Variants in SLC2A3 observed in about 807,000 individuals in gnomAD.
SLC2A3 encodes the protein solute carrier family 2, facilitated glucose transporter member 3.
Under a neutral mutation model 46.4 loss-of-function variants are expected in SLC2A3, and 21 were observed. The observed-to-expected ratio is 0.45, with a 90% CI of 0.32 to 0.65. The LOEUF (loss-of-function observed/expected upper bound fraction) is 0.65, where lower values mean the gene tolerates loss of function less well. SLC2A3 is among the 30% of genes least tolerant of loss of function. The pLI, the probability that SLC2A3 is intolerant of heterozygous loss-of-function variation, is 0.04. For missense variants in SLC2A3, 499 were observed against 623.3 expected (o/e 0.80, Z 2.12); for synonymous variants, 213 against 239.4 (o/e 0.89, Z 1.02).
At chr12:7,934,498 C>T (rs114031370) in intron 1 of SLC2A3, among the ~76,000 whole-genome samples, 4,462 of 152,066 alleles carry the variant, frequency 0.029, 223 homozygotes, top group African/African-American at 0.1. Context: ...CTAACTCCCG[C>T]GCAGGGGAAG....
Position 7,929,839 on chromosome 12 carries a change from A to G in SLC2A3, c.706T>C (p.Ser236Pro), listed in dbSNP as rs755752461. The G allele has an allele frequency of 6.2e-7, 1 of 1,613,714 alleles. No homozygotes were observed. Among genetic ancestry groups the G allele is most frequent in the South Asian group, 1.1e-5 (1 of 91,064 alleles). Reference protein sequence around the residue: ...LQRLWGTQDVSQDIQEMKDES... With the variant: ...LQRLWGTQDVPQDIQEMKDES... ...TCTTTCATCTCCTGGATGTCTTGGG[A>G]TACATCCTGGGTGCCCCACAACCGC... Residue 236 changes from serine to proline, a missense_variant, in exon 6 of 10, where the codon TCC becomes CCC. By Grantham distance (74) the Ser-to-Pro change is moderately conservative (BLOSUM62 -1). Coordinates refer to ENST00000075120, the MANE Select transcript of SLC2A3 (RefSeq NM_006931.3).
rs188657437 is a variant in SLC2A3, at chr12:7,922,733, C to T, written c.1272+88G>A. Reference sequence around the variant, plus strand: ...TGCTAGGATTACAGGCATGAGCCACCATGCCAGGCCCAGACTACTGTATTA... The same window carrying T: ...TGCTAGGATTACAGGCATGAGCCACTATGCCAGGCCCAGACTACTGTATTA... On this transcript the variant is annotated intron_variant, in intron 9 of 9. Transcript: ENST00000075120. The T allele has an allele frequency of 2.9e-4, 453 of 1,560,576 alleles. 4 individuals carry two copies. The Admixed American group carries it at 7.4e-3, about 26-fold the overall frequency.
intron 1 of SLC2A3, among the ~76,000 whole-genome samples, chr12:7,934,710 C>T (rs1020902395): frequency 2.0e-5 from 3 of 151,888 alleles, no homozygotes; most frequent in Admixed American, 6.6e-5. Context: ...CACCCAAAAT[C>T]CCTTCAACCT....
At chr12:7,927,466 A>C (rs1946107313) in intron 6 of SLC2A3, among the ~76,000 whole-genome samples, 1 of 152,140 alleles carries the variant, frequency 6.6e-6, no homozygotes, top group Non-Finnish European at 1.5e-5. Context: ...AAGCAAGGTA[A>C]CCCCTACATC....
rs757076354 is a variant in SLC2A3 at position 7,931,499 on chromosome 12, C to G, written c.270-14G>C. The G allele has an allele frequency of 8.1e-6, 13 of 1,613,530 alleles. No individual in the cohort carries two copies. The highest frequency in any genetic ancestry group is 1.3e-5 in the African/African-American group (1 of 74,882). On this transcript the variant is annotated splice_polypyrimidine_tract_variant and intron_variant, in intron 3 of 9. Transcript: ENST00000075120. ...ATTGAATTGCGCCTGTAAGGTTAAT[C>G]AAAGACAAAGTAGAATTAGCAAAGT...
At chr12:7,921,716 T>C (rs1288222222) in intron 9 of SLC2A3, 85 bp from the exon 10 acceptor site, 12 of 1,415,400 alleles carry the variant, frequency 8.5e-6, no homozygotes, top group Non-Finnish European at 1.2e-5. Flanking sequence ...ATATTTCCAA[T>C]AGGCTTCAAG....
intron 3 of SLC2A3, among the ~76,000 whole-genome samples, chr12:7,931,918 G>T (rs145204515): frequency 0.016 from 2,094 of 132,600 alleles, 49 homozygotes; most frequent in African/African-American, 0.053. Context: ...GTCTTGGTCT[G>T]TCACCCAGGC....
At chr12:7,933,775 A>T (rs1946184317) in intron 2 of SLC2A3, 35 bp downstream of exon 2, 2 of 1,595,538 alleles carry the variant, frequency 1.3e-6, no homozygotes, top group Admixed American at 1.7e-5. Context: ...TAACTTCCCT[A>T]TTCTAAATTC....
At position 7,923,038 on chromosome 12, in the gene SLC2A3, G is replaced by A. The variant is rs1252889815; in HGVS notation, c.1069-14C>T. On this transcript the variant is annotated splice_polypyrimidine_tract_variant and intron_variant, in intron 8 of 9. Coordinates refer to ENST00000075120, the MANE Select transcript of SLC2A3 (RefSeq NM_006931.3). Reference sequence around the variant, plus strand: ...ATTATAGTTATCCTGTAAGAGCAAGGAACAGAGAAAATTAAATTTAAAGAC... The same window carrying A: ...ATTATAGTTATCCTGTAAGAGCAAGAAACAGAGAAAATTAAATTTAAAGAC... 1.2e-6 allele frequency: 2 copies of A among 1,602,694 alleles called. No individual in the cohort carries two copies. Among genetic ancestry groups the A allele is most frequent in the Admixed American group, 1.7e-5 (1 of 57,280 alleles).
chr12:7,921,628 A>T lies in SLC2A3; in HGVS notation c.1276T>A (p.Tyr426Asn). The T allele has an allele frequency of 6.2e-7, 1 of 1,612,770 alleles. No individual in the cohort carries two copies. Among genetic ancestry groups the T allele is most frequent in the Non-Finnish European group, 8.5e-7 (1 of 1,179,428 alleles). ...ATAATAAAAACGTAGGCTCCTAAATAGTGCTAGAGAAAGGACAGAAAAAAG... is the reference window on the plus strand; with the variant it reads ...ATAATAAAAACGTAGGCTCCTAAATTGTGCTAGAGAAAGGACAGAAAAAAG... Reference protein sequence around the residue: ...VGLLFPSAAHYLGAYVFIIFT... With the variant: ...VGLLFPSAAHNLGAYVFIIFT... Residue 426 changes from tyrosine (Y) to asparagine (N), a missense_variant, in exon 10 of 10, where the codon TAT becomes AAT. This residue lies in a region of SLC2A3 where 179 missense variants were observed against 205.1 expected (regional missense o/e 0.87). Coordinates refer to ENST00000075120, the MANE Select transcript of SLC2A3 (RefSeq NM_006931.3).
chr12:7,925,764 T>C, intron 7 of SLC2A3, 80 bp downstream of exon 7: 2 of 1,087,444 alleles, frequency 1.8e-6, no homozygotes, highest in Non-Finnish European at 2.8e-6. Flanking sequence ...TAAATGATGG[T>C]AGGGTCATGC....
chr12:7,934,356 G>A lies in SLC2A3; in HGVS notation c.16-454C>T, dbSNP rs189936039. ...GCCCACTGGTGGTGGTGGAGGGGGT[G>A]GTAGTTTGTGTCTTCACTGCTGGGT... On this transcript the variant is annotated intron_variant, in intron 1 of 9. Coordinates refer to ENST00000075120, the MANE Select transcript of SLC2A3 (RefSeq NM_006931.3). Among the ~76,000 whole-genome samples the A allele has an allele frequency of 5.1e-3, 769 of 152,038 alleles. 10 individuals carry two copies. The highest frequency in any genetic ancestry group is 8.8e-3 in the Non-Finnish European group (596 of 67,900).
At chr12:7,931,586 CCTT>C in intron 3 of SLC2A3, 101 bp from the exon 4 acceptor site, 1 of 1,497,140 alleles carries the variant, frequency 6.7e-7, no homozygotes, top group South Asian at 1.3e-5. Context: ...TCATATCATC[CCTT>C]TTTTTTTTAA....
chr12:7,929,085 A>C (rs1234026876), intron 6 of SLC2A3, among the ~76,000 whole-genome samples: 4 of 152,060 alleles, frequency 2.6e-5, no homozygotes, highest in Non-Finnish European at 4.4e-5. Flanking sequence ...TGAGCATCAA[A>C]ATGCTCAAAA....
chr12:7,930,081 G>A, intron 5 of SLC2A3: 1 of 1,060,130 alleles, frequency 9.4e-7, no homozygotes, highest in South Asian at 1.8e-5. Context: ...CACTTCCCGG[G>A]TTCACACGAT....
At chr12:7,932,430 G>C (rs1451206206) in intron 3 of SLC2A3, among the ~76,000 whole-genome samples, 1 of 152,026 alleles carries the variant, frequency 6.6e-6, no homozygotes, top group East Asian at 1.9e-4. Flanking sequence ...CACTTGCCTC[G>C]GTTTCCCAAA....
At chr12:7,927,085 A>T (rs1049215343) in intron 6 of SLC2A3, among the ~76,000 whole-genome samples, 3 of 152,048 alleles carry the variant, frequency 2.0e-5, no homozygotes, top group Non-Finnish European at 4.4e-5. Context: ...CTACATTGGG[A>T]TTTACCTTCT....
chr12:7,928,271 G>C (rs376135177), intron 6 of SLC2A3, among the ~76,000 whole-genome samples: 1 of 151,944 alleles, frequency 6.6e-6, no homozygotes, highest in South Asian at 2.1e-4. Context: ...GGTGGCACAC[G>C]CCTGTAGTCC....
chr12:7,928,152 C>A (rs1299773798), intron 6 of SLC2A3, among the ~76,000 whole-genome samples: 1 of 151,784 alleles, frequency 6.6e-6, no homozygotes, highest in African/African-American at 2.4e-5. Context: ...ATAATCCCAG[C>A]ATTTAGGAAG....
Sources: gnomAD v4.1 joint callset for allele counts (sites outside exome capture counted in the v4.1 genomes callset) on GRCh38, gnomAD v4.1.1 for gene constraint, gnomAD v4.1.1 regional missense constraint, MANE v1.5 for transcripts, NCBI Gene and HGNC (gene_info 2026-07-23, HGNC 2026-07-21) for gene names.